The following OR1J2 variants were observed in gnomAD, a reference collection of about 807,000 sequenced individuals.
The protein encoded by OR1J2 is olfactory receptor 1J2.
For missense variants in OR1J2, 304 were observed against 246.1 expected (o/e 1.24, Z -1.57); for synonymous variants, 142 against 99.7 (o/e 1.42, Z -2.52).
chr9:122,485,432 C>CT, the OR1J2 span, among the ~76,000 whole-genome samples: 1 of 152,170 alleles, frequency 6.6e-6, no homozygotes, highest in Non-Finnish European at 1.5e-5. Context: ...AACCATGTCT[C>CT]TAAGTTTCTC....
chr9:122,564,012 T>C, the OR1J2 span, among the ~76,000 whole-genome samples: 1 of 152,204 alleles, frequency 6.6e-6, no homozygotes, highest in Non-Finnish European at 1.5e-5. Flanking sequence ...TATAGCTTTA[T>C]AGTATGTTTT....
the OR1J2 span, chr9:122,527,318 G>A: frequency 1.4e-6 from 2 of 1,476,180 alleles, no homozygotes; most frequent in Admixed American, 3.6e-5. Flanking sequence ...TGGAGCTGAG[G>A]GAAGACAGTT....
chr9:122,488,478 G>A, the OR1J2 span, among the ~76,000 whole-genome samples: 1 of 152,190 alleles, frequency 6.6e-6, no homozygotes, highest in Non-Finnish European at 1.5e-5. Flanking sequence ...TTTGGAACTG[G>A]AAGGAGAGGT....
the OR1J2 span, among the ~76,000 whole-genome samples, chr9:122,531,040 T>G: frequency 9.2e-5 from 14 of 152,110 alleles, no homozygotes; most frequent in Middle Eastern, 3.4e-3. Context: ...AAAAATAAAA[T>G]GAAATAGTGG....
At chr9:122,541,415 T>A in the OR1J2 span, among the ~76,000 whole-genome samples, 1 of 152,150 alleles carries the variant, frequency 6.6e-6, no homozygotes, top group Admixed American at 6.5e-5. Context: ...TTCAGAAGAA[T>A]TTGGATCCCT....
chr9:122,527,289 T>C, the OR1J2 span: 1 of 1,599,076 alleles, frequency 6.3e-7, no homozygotes, highest in Non-Finnish European at 8.5e-7. Context: ...GGATTGGTTT[T>C]CCATGACTCT....
chr9:122,533,903 G>A, the OR1J2 span, among the ~76,000 whole-genome samples: 532 of 152,300 alleles, frequency 3.5e-3, no homozygotes, highest in Middle Eastern at 0.02. Flanking sequence ...GTGTTCAGCC[G>A]CTAAGCCGAG....
chr9:122,558,195 ATTG>A, the OR1J2 span, among the ~76,000 whole-genome samples: 2 of 19,308 alleles, frequency 1.0e-4, no homozygotes, highest in African/African-American at 2.7e-4. Context: ...ATAATGTCCT[ATTG>A]TCCTATTTTC....
the OR1J2 span, among the ~76,000 whole-genome samples, chr9:122,570,374 T>C: frequency 6.6e-6 from 1 of 152,242 alleles, no homozygotes; most frequent in Admixed American, 6.5e-5. Flanking sequence ...TATATTCTTT[T>C]ACACATTGTG....
chr9:122,477,729 CA>C, the OR1J2 span: 5 of 1,613,988 alleles, frequency 3.1e-6, no homozygotes, highest in Admixed American at 6.7e-5. Context: ...CAGTGAGGGC[CA>C]AGTGGCTAAG....
At chr9:122,575,571 T>C in the OR1J2 span, among the ~76,000 whole-genome samples, 1 of 152,164 alleles carries the variant, frequency 6.6e-6, no homozygotes, top group Non-Finnish European at 1.5e-5. Context: ...ACATTAATAA[T>C]TTGTGTCCTC....
At chr9:122,520,380 C>T in the OR1J2 span, among the ~76,000 whole-genome samples, 1 of 152,216 alleles carries the variant, frequency 6.6e-6, no homozygotes, top group Non-Finnish European at 1.5e-5. Context: ...TGTTGACTAA[C>T]AGGATTCCCT....
At chr9:122,576,840 T>TTGTC in the OR1J2 span, 6 of 152,250 alleles carry the variant, frequency 3.9e-5, no homozygotes, top group East Asian at 1.9e-4. Context: ...TGTATTTTTG[T>TTGTC]TGTCTGTCTC....
the OR1J2 span, among the ~76,000 whole-genome samples, chr9:122,530,490 A>G: frequency 6.6e-6 from 1 of 152,156 alleles, no homozygotes; most frequent in Non-Finnish European, 1.5e-5. Context: ...ATAATTGCCC[A>G]ATTTTCTCTC....
chr9:122,495,208 T>G, the OR1J2 span, among the ~76,000 whole-genome samples: 1 of 152,198 alleles, frequency 6.6e-6, no homozygotes, highest in African/African-American at 2.4e-5. Context: ...TTCTTTGAAC[T>G]TCTTATATTT....
chr9:122,553,407 C>T, the OR1J2 span: 19 of 1,614,072 alleles, frequency 1.2e-5, no homozygotes, highest in Admixed American at 3.3e-5. Context: ...GTACTTCTTT[C>T]TGGCCAACCT....
the OR1J2 span, among the ~76,000 whole-genome samples, chr9:122,528,159 C>A: frequency 6.6e-6 from 1 of 152,292 alleles, no homozygotes; most frequent in Non-Finnish European, 1.5e-5. Flanking sequence ...GTCTCACTTG[C>A]CTTTACTATC....
the OR1J2 span, among the ~76,000 whole-genome samples, chr9:122,565,101 T>G: frequency 1.3e-5 from 2 of 152,080 alleles, no homozygotes; most frequent in Non-Finnish European, 2.9e-5. Flanking sequence ...CCTTTTAAGG[T>G]GAAGGATAGG....
the OR1J2 span, among the ~76,000 whole-genome samples, chr9:122,463,302 T>C: frequency 6.6e-6 from 1 of 152,238 alleles, no homozygotes; most frequent in Non-Finnish European, 1.5e-5. Context: ...ATGCTATCTA[T>C]TTCACTAGAG....
Sources: gnomAD v4.1 joint callset for allele counts (sites outside exome capture counted in the v4.1 genomes callset) on GRCh38, gnomAD v4.1.1 for gene constraint, MANE v1.5 for transcripts, NCBI Gene and HGNC (gene_info 2026-07-23, HGNC 2026-07-21) for gene names.